EXOC6B: variants seen among roughly 807,000 people sequenced by gnomAD.
EXOC6B encodes exocyst complex component 6B.
A neutral mutation model predicts 113.5 loss-of-function variants in EXOC6B; 54 were observed. The observed-to-expected ratio is 0.48, with a 90% confidence interval of 0.38 to 0.60. The LOEUF is 0.60. Ranked by LOEUF, EXOC6B falls within the 20% of genes least tolerant of loss-of-function variation. The pLI, the probability that EXOC6B is intolerant of heterozygous loss-of-function variation, is 0.00. For missense variants in EXOC6B, 797 were observed against 977.5 expected (o/e 0.82, Z 2.46); for synonymous variants, 357 against 339.0 (o/e 1.05, Z -0.58).
At chr2:72,411,135 C>T (rs892525230) in intron 18 of EXOC6B, among the ~76,000 whole-genome samples, 7 of 152,036 alleles carry the variant, frequency 4.6e-5, no homozygotes, top group Non-Finnish European at 7.3e-5. Context: ...CTCTTGAGCT[C>T]GAAGAGGTCA....
chr2:72,772,154 C>T (rs1286277211), intron 1 of EXOC6B, among the ~76,000 whole-genome samples: 1 of 152,116 alleles, frequency 6.6e-6, no homozygotes, highest in Non-Finnish European at 1.5e-5. Flanking sequence ...CAAGAGAGAC[C>T]CTCGCTGGAG....
intron 18 of EXOC6B, among the ~76,000 whole-genome samples, chr2:72,453,838 A>C (rs1471689629): frequency 6.6e-6 from 1 of 152,190 alleles, no homozygotes; most frequent in Non-Finnish European, 1.5e-5. Context: ...CTCTCCTATG[A>C]AGAAATACTC....
intron 6 of EXOC6B, among the ~76,000 whole-genome samples, chr2:72,641,131 C>A (rs1206878110): frequency 6.6e-6 from 1 of 152,216 alleles, no homozygotes; most frequent in Admixed American, 6.5e-5. Flanking sequence ...CTCCAGTCTG[C>A]AGCTCCGAGC....
intron 18 of EXOC6B, among the ~76,000 whole-genome samples, chr2:72,430,407 G>T (rs1020718728): frequency 6.6e-6 from 1 of 152,176 alleles, no homozygotes; most frequent in Non-Finnish European, 1.5e-5. Flanking sequence ...AGGCCAAGGC[G>T]GGTGGATCAC....
intron 20 of EXOC6B, among the ~76,000 whole-genome samples, chr2:72,264,283 C>A (rs1000901897): frequency 3.3e-5 from 5 of 151,982 alleles, no homozygotes; most frequent in African/African-American, 1.2e-4. Flanking sequence ...TAAACATATA[C>A]CTTGAGGCCA....
chr2:72,654,330 A>C (rs1350303369), intron 6 of EXOC6B, among the ~76,000 whole-genome samples: 1 of 152,266 alleles, frequency 6.6e-6, no homozygotes, highest in Admixed American at 6.5e-5. Context: ...AGAAGTCTTT[A>C]ACAACTGTCT....
chr2:72,426,746 T>C (rs994065436), intron 18 of EXOC6B, among the ~76,000 whole-genome samples: 16 of 152,250 alleles, frequency 1.1e-4, no homozygotes, highest in Non-Finnish European at 2.1e-4. Context: ...GTAAGAACTT[T>C]CTGAATTTAG....
At chr2:72,538,769 T>C (rs1337113825) in intron 8 of EXOC6B, among the ~76,000 whole-genome samples, 6 of 152,166 alleles carry the variant, frequency 3.9e-5, no homozygotes, top group African/African-American at 1.2e-4. Context: ...AAGTGAGACA[T>C]CCTGAAGCAA....
chr2:72,295,750 C>T (rs898817888), intron 20 of EXOC6B, among the ~76,000 whole-genome samples: 1 of 152,102 alleles, frequency 6.6e-6, no homozygotes, highest in Non-Finnish European at 1.5e-5. Flanking sequence ...GTTCTTGAAG[C>T]ATCTGTCTAC....
At chr2:72,611,776 C>T (rs749858901) in intron 6 of EXOC6B, among the ~76,000 whole-genome samples, 13 of 152,128 alleles carry the variant, frequency 8.5e-5, no homozygotes, top group Middle Eastern at 3.4e-3. Context: ...TAAGGTACAA[C>T]TACATCATGG....
intron 6 of EXOC6B, among the ~76,000 whole-genome samples, chr2:72,610,417 C>T (rs551388116): frequency 6.6e-6 from 1 of 152,226 alleles, no homozygotes; most frequent in East Asian, 1.9e-4. Flanking sequence ...TACCATTCTC[C>T]ATTAACGCAG....
At chr2:72,425,070 A>G (rs908327664) in intron 18 of EXOC6B, among the ~76,000 whole-genome samples, 2 of 152,180 alleles carry the variant, frequency 1.3e-5, no homozygotes, top group African/African-American at 2.4e-5. Context: ...GCTCCCACTT[A>G]TAAGTGAGAA....
At chr2:72,456,684 T>C (rs1697255573) in intron 18 of EXOC6B, among the ~76,000 whole-genome samples, 1 of 152,120 alleles carries the variant, frequency 6.6e-6, no homozygotes, top group Non-Finnish European at 1.5e-5. Context: ...ATAATATTAA[T>C]ACTTATCTGA....
intron 16 of EXOC6B, among the ~76,000 whole-genome samples, chr2:72,481,868 A>G (rs1165240058): frequency 6.6e-6 from 1 of 152,332 alleles, no homozygotes; most frequent in South Asian, 2.1e-4. Context: ...GAGGAAGATA[A>G]AGAAGAATAA....
chr2:72,573,892 G>C (rs1031704692), intron 7 of EXOC6B, among the ~76,000 whole-genome samples: 63 of 152,146 alleles, frequency 4.1e-4, no homozygotes, highest in African/African-American at 1.5e-3. Context: ...GAGTCGGGTG[G>C]ATCACGACGT....
chr2:72,682,971 C>A (rs1400992517), intron 6 of EXOC6B, among the ~76,000 whole-genome samples: 1 of 152,174 alleles, frequency 6.6e-6, no homozygotes, highest in Non-Finnish European at 1.5e-5. Flanking sequence ...GAAAAGTTGT[C>A]TATTCCTAAC....
chr2:72,179,745 C>T (rs757553741), intron 21 of EXOC6B, among the ~76,000 whole-genome samples: 39 of 152,126 alleles, frequency 2.6e-4, no homozygotes, highest in Non-Finnish European at 5.1e-4. Context: ...AATTCATTCT[C>T]TTCTCTCAGC....
chr2:72,638,382 T>A (rs144908565), intron 6 of EXOC6B, among the ~76,000 whole-genome samples: 3 of 148,972 alleles, frequency 2.0e-5, no homozygotes, highest in Non-Finnish European at 3.0e-5. Flanking sequence ...TGGAGGGGAG[T>A]GCAGGATGGC....
At chr2:72,413,108 G>A (rs977027625) in intron 18 of EXOC6B, among the ~76,000 whole-genome samples, 14 of 151,912 alleles carry the variant, frequency 9.2e-5, no homozygotes, top group Non-Finnish European at 1.5e-4. Flanking sequence ...ACAGGCGCCC[G>A]CCACCACGCC....
Sources: gnomAD v4.1 joint callset for allele counts (sites outside exome capture counted in the v4.1 genomes callset) on GRCh38, gnomAD v4.1.1 for gene constraint, MANE v1.5 for transcripts, NCBI Gene and HGNC (gene_info 2026-07-23, HGNC 2026-07-21) for gene names.